HSP90AA1: variants seen among roughly 807,000 people sequenced by gnomAD.
HSP90AA1 encodes heat shock protein 90 alpha family class A member 1.
Under a neutral mutation model 73.3 loss-of-function variants are expected in HSP90AA1, and 18 were observed. The observed-to-expected ratio is 0.25, with a 90% CI of 0.17 to 0.36. The LOEUF is 0.36. Ranked by LOEUF, HSP90AA1 falls within the 10% of genes least tolerant of loss-of-function variation. HSP90AA1 has a pLI of 1.00. For missense variants in HSP90AA1, 704 were observed against 874.2 expected, an observed-to-expected ratio of 0.81 and a Z score of 2.45; for synonymous variants, 477 against 296.9, an observed-to-expected ratio of 1.61 and a Z score of -6.24.
At chr14:102,122,215 A>T (rs981144850) in intron 1 of HSP90AA1, among the ~76,000 whole-genome samples, 11 of 151,298 alleles carry the variant, frequency 7.3e-5, no homozygotes, top group Admixed American at 7.2e-4. Context: ...TCTCTATCAT[A>T]TGTCCATTTT....
At chr14:102,085,491 C>T (rs1316099282) in intron 3 of HSP90AA1, 60 bp from the exon 4 acceptor site, 9 of 1,476,700 alleles carry the variant, frequency 6.1e-6, no homozygotes, top group Non-Finnish European at 8.5e-6. Flanking sequence ...AACGCCATGC[C>T]TAACACCCTT....
chr14:102,114,957 AC>A (rs2049687982), intron 1 of HSP90AA1, among the ~76,000 whole-genome samples: 1 of 151,538 alleles, frequency 6.6e-6, no homozygotes. Context: ...ACACGGTGAA[AC>A]CCCGTCTCTA....
intron 6 of HSP90AA1, 123 bp from the exon 7 acceptor site, chr14:102,084,106 G>A: frequency 1.2e-6 from 1 of 851,750 alleles, no homozygotes; most frequent in Non-Finnish European, 1.9e-6. Context: ...GTCTCACTCT[G>A]TTGCCCAGGC....
At chr14:102,121,834 A>C (rs2049781747) in intron 1 of HSP90AA1, among the ~76,000 whole-genome samples, 1 of 152,110 alleles carries the variant, frequency 6.6e-6, no homozygotes, top group African/African-American at 2.4e-5. Flanking sequence ...ATTTTTTTCT[A>C]CTGGGTTTTC....
intron 1 of HSP90AA1, among the ~76,000 whole-genome samples, chr14:102,126,754 T>A (rs1411711757): frequency 6.6e-6 from 1 of 152,152 alleles, no homozygotes; most frequent in Non-Finnish European, 1.5e-5. Context: ...GGTCTCGATC[T>A]CCTGACCTCG....
intron 6 of HSP90AA1, 46 bp downstream of exon 6, chr14:102,084,353 A>G: frequency 6.4e-7 from 1 of 1,566,156 alleles, no homozygotes; most frequent in Non-Finnish European, 8.8e-7. Flanking sequence ...CCCAGAAAGT[A>G]CTTCTTTAAT....
chr14:102,091,748 T>A (rs2049361184), upstream of HSP90AA1, among the ~76,000 whole-genome samples: 1 of 151,944 alleles, frequency 6.6e-6, no homozygotes. Context: ...TGCCTCAGCC[T>A]CCTGAGGAGC....
At position 102,116,111 on chromosome 14, in the gene HSP90AA1, C is replaced by T. The variant is rs2049703230; in HGVS notation, c.156-14026G>A. On this transcript the variant is annotated intron_variant, in intron 1 of 11. Transcript: ENST00000334701. ...AGACTACAGGTGCCCGCCACCACGC[C>T]CAACTAATTTTTTTTGTATTTTTAG... 2.6e-5 allele frequency among the ~76,000 whole-genome samples: 4 copies of T among 152,026 alleles called. No individual in the cohort carries two copies. In the South Asian group the frequency reaches 8.3e-4, roughly 32 times the overall value.
intron 1 of HSP90AA1, among the ~76,000 whole-genome samples, chr14:102,134,484 C>T (rs1238867995): frequency 1.3e-5 from 2 of 152,120 alleles, no homozygotes; most frequent in Admixed American, 6.5e-5. Context: ...CGCGGACCCT[C>T]GCAGTGAGTG....
chr14:102,120,481 C>G (rs1040315524), intron 1 of HSP90AA1, among the ~76,000 whole-genome samples: 1 of 151,922 alleles, frequency 6.6e-6, no homozygotes, highest in Non-Finnish European at 1.5e-5. Flanking sequence ...TATATTTTGT[C>G]TTTTGAACTT....
chr14:102,089,263 A>G (rs1869502545), upstream of HSP90AA1, among the ~76,000 whole-genome samples: 1 of 151,172 alleles, frequency 6.6e-6, no homozygotes, highest in Non-Finnish European at 1.5e-5. Context: ...ACCTTCATTT[A>G]CCCCCATTTC....
chr14:102,108,527 A>G (rs1485386307), intron 1 of HSP90AA1, among the ~76,000 whole-genome samples: 1 of 144,690 alleles, frequency 6.9e-6, no homozygotes, highest in Non-Finnish European at 1.5e-5. Flanking sequence ...CATCTAACTT[A>G]TAACTTTTTT....
chr14:102,082,534 T>C (rs1025362377), intron 9 of HSP90AA1, 90 bp from the exon 10 acceptor site: 17 of 958,044 alleles, frequency 1.8e-5, no homozygotes, highest in East Asian at 2.6e-5. Context: ...CAAATTTCAA[T>C]AGATCCAAAA....
upstream of HSP90AA1, chr14:102,087,318 C>T (rs778801792): frequency 2.5e-5 from 8 of 315,452 alleles, no homozygotes; most frequent in Non-Finnish European, 3.7e-5. Flanking sequence ...GCCTGCGCGG[C>T]CCGGAATTCT....
At position 102,080,975 on chromosome 14, in the gene HSP90AA1, T is replaced by C. The variant is rs2049084708; in HGVS notation, c.*737A>G. ...TTAACCATCTCCTGCTAGCGCCTCATGTTTTACATTTTGGCACTAACTGTC... is the reference window on the plus strand; with the variant it reads ...TTAACCATCTCCTGCTAGCGCCTCACGTTTTACATTTTGGCACTAACTGTC... On this transcript the variant is annotated 3_prime_UTR_variant, in exon 11 of 11. Coordinates refer to ENST00000216281, the MANE Select transcript of HSP90AA1 (RefSeq NM_005348.4). The C allele has an allele frequency of 4.4e-6, 1 of 227,484 alleles. No individual in the cohort carries two copies. Among genetic ancestry groups the C allele is most frequent in the East Asian group, 6.3e-5 (1 of 15,928 alleles). The allele number at this position is 227,484 out of a possible 1,614,324, so 14.1% of individuals were successfully genotyped here.
At chr14:102,124,910 T>C (rs1233461540) in intron 1 of HSP90AA1, among the ~76,000 whole-genome samples, 5 of 152,228 alleles carry the variant, frequency 3.3e-5, no homozygotes, top group Non-Finnish European at 7.3e-5. Context: ...AAATAGTTAT[T>C]GAGCACCAAC....
intron 1 of HSP90AA1, among the ~76,000 whole-genome samples, chr14:102,131,101 T>C (rs1016681781): frequency 3.3e-5 from 5 of 152,228 alleles, no homozygotes; most frequent in Admixed American, 2.0e-4. Flanking sequence ...GACTTGATTA[T>C]TCAACTGCCT....
chr14:102,087,331 G>A (rs2049270106), upstream of HSP90AA1: 1 of 269,548 alleles, frequency 3.7e-6, no homozygotes, highest in Non-Finnish European at 5.7e-6. Context: ...GGAATTCTCG[G>A]GAAGGTCCGG....
upstream of HSP90AA1, among the ~76,000 whole-genome samples, chr14:102,089,489 C>G (rs2049323510): frequency 6.6e-6 from 1 of 152,200 alleles, no homozygotes; most frequent in Non-Finnish European, 1.5e-5. Context: ...TGGTTTCTAC[C>G]ATCAACACGC....
Sources: allele counts gnomAD v4.1 joint callset (sites outside exome capture counted in the v4.1 genomes callset), GRCh38; gene constraint gnomAD v4.1.1; transcripts MANE v1.5; gene names NCBI Gene and HGNC (gene_info 2026-07-23, HGNC 2026-07-21).